NRXN3: variants seen among roughly 807,000 people sequenced by gnomAD.
NRXN3 encodes the protein neurexin 3.
In NRXN3, 32 loss-of-function variants were observed where a neutral mutation model predicts 137.6. That is an observed-to-expected ratio of 0.23 (90% CI 0.18 to 0.31). The LOEUF (loss-of-function observed/expected upper bound fraction) is 0.31. Ranked by LOEUF, NRXN3 falls within the 10% of genes least tolerant of loss-of-function variation. The probability of loss-of-function intolerance (pLI) is 1.00; values close to 1 mark genes in which losing one functional copy is unlikely to be tolerated. For synonymous variants in NRXN3, 798 were observed against 784.5 expected (o/e 1.02, Z -0.29); for missense variants, 1,574 against 2,062.5 (o/e 0.76, Z 4.59).
chr14:78,586,892 G>A (rs1476405957), intron 4 of NRXN3, among the ~76,000 whole-genome samples: 1 of 152,216 alleles, frequency 6.6e-6, no homozygotes, highest in African/African-American at 2.4e-5. Context: ...CTGCGGGCCT[G>A]TGCCTGTGAC....
chr14:79,576,881 T>C (rs1340095130), intron 16 of NRXN3, among the ~76,000 whole-genome samples: 1 of 152,216 alleles, frequency 6.6e-6, no homozygotes. Flanking sequence ...GTAAGGATGG[T>C]CTTTGAAATA....
chr14:79,822,304 T>C (rs1603616255), intron 20 of NRXN3, among the ~76,000 whole-genome samples: 1 of 152,124 alleles, frequency 6.6e-6, no homozygotes, highest in African/African-American at 2.4e-5. Flanking sequence ...TGACCCATAG[T>C]GAAATGAGAA....
chr14:78,957,698 C>T (rs1015726570), intron 11 of NRXN3, among the ~76,000 whole-genome samples: 2 of 152,146 alleles, frequency 1.3e-5, no homozygotes, highest in Non-Finnish European at 2.9e-5. Flanking sequence ...ATCATCCTCC[C>T]ATATGCCAGT....
intron 4 of NRXN3, among the ~76,000 whole-genome samples, chr14:78,444,523 T>C (rs1403744851): frequency 6.6e-6 from 1 of 152,154 alleles, no homozygotes; most frequent in Admixed American, 6.5e-5. Flanking sequence ...CATTCAGCTC[T>C]CAGGAGTGGA....
rs1568818292 is a variant in NRXN3, at chr14:79,257,444, A to ATGGTG, written c.3263-209777_3263-209776insTGGTG. 4.3e-4 allele frequency among the ~76,000 whole-genome samples: 6 copies of ATGGTG among 13,974 alleles called. 1 individual carries two copies. Among genetic ancestry groups the ATGGTG allele is most frequent in the African/African-American group, 3.6e-4 (1 of 2,780 alleles). The allele number at this position is 13,974 out of a possible 152,430, so 9.2% of individuals were successfully genotyped here. A position where few individuals can be genotyped will look rare whatever the true frequency, so the allele number is the denominator to read the frequency against. On this transcript the variant is annotated intron_variant, in intron 15 of 20. Coordinates refer to ENST00000335750, the MANE Select transcript of NRXN3 (RefSeq NM_001330195.2). The stretch of plus-strand genomic sequence containing the variant: ...TGGTGATGGTGGTGGTGGTGGTGGT[A>ATGGTG]GTGATGGTGGTGGTGGTGGTGGTGG...
At chr14:79,827,986 G>A (rs544810868) in intron 20 of NRXN3, among the ~76,000 whole-genome samples, 35 of 152,038 alleles carry the variant, frequency 2.3e-4, no homozygotes, top group Admixed American at 7.2e-4. Context: ...GTGAGCCACA[G>A]CACCTGGCCG....
intron 15 of NRXN3, among the ~76,000 whole-genome samples, chr14:79,069,606 G>A (rs1383259950): frequency 6.6e-6 from 1 of 150,736 alleles, no homozygotes; most frequent in South Asian, 2.1e-4. Flanking sequence ...TTTCTGATGA[G>A]TTAAAAAGCT....
At chr14:78,922,606 C>T (rs538632464) in intron 10 of NRXN3, among the ~76,000 whole-genome samples, 1 of 152,178 alleles carries the variant, frequency 6.6e-6, no homozygotes, top group South Asian at 2.1e-4. Context: ...GAACAGAAAA[C>T]CAAACGCCAC....
At chr14:79,815,465 G>T (rs185175614) in intron 20 of NRXN3, among the ~76,000 whole-genome samples, 23 of 152,280 alleles carry the variant, frequency 1.5e-4, no homozygotes, top group African/African-American at 5.5e-4. Context: ...GTAGCTATTG[G>T]TTTTTCTTAA....
At chr14:78,757,770 TTAA>T (rs1415633122) in intron 8 of NRXN3, among the ~76,000 whole-genome samples, 1 of 152,232 alleles carries the variant, frequency 6.6e-6, no homozygotes, top group Non-Finnish European at 1.5e-5. Context: ...TATGCCATTG[TTAA>T]TTTCTTAGTT....
intron 19 of NRXN3, among the ~76,000 whole-genome samples, chr14:79,714,979 T>G (rs1480588206): frequency 6.6e-6 from 1 of 152,120 alleles, no homozygotes; most frequent in Non-Finnish European, 1.5e-5. Flanking sequence ...CTTGAGACGG[T>G]GTCTCACTCC....
chr14:79,787,588 A>G (rs2099133064), intron 19 of NRXN3, among the ~76,000 whole-genome samples: 1 of 151,202 alleles, frequency 6.6e-6, no homozygotes, highest in South Asian at 2.1e-4. Context: ...CCACCACTCT[A>G]CTCTCTATTT....
chr14:79,377,424 T>C (rs1352300976), intron 15 of NRXN3, among the ~76,000 whole-genome samples: 1 of 152,134 alleles, frequency 6.6e-6, no homozygotes, highest in African/African-American at 2.4e-5. Context: ...TGGAGTAGTG[T>C]TTTTGAGTTA....
intron 8 of NRXN3, among the ~76,000 whole-genome samples, chr14:78,748,691 G>A (rs1399158699): frequency 6.6e-6 from 1 of 152,134 alleles, no homozygotes; most frequent in Non-Finnish European, 1.5e-5. Context: ...AGAAATGGCA[G>A]GACATGCTGA....
At chr14:78,935,098 G>C (rs2099331985) in intron 10 of NRXN3, among the ~76,000 whole-genome samples, 1 of 152,064 alleles carries the variant, frequency 6.6e-6, no homozygotes, top group African/African-American at 2.4e-5. Context: ...TGGCTTAGAG[G>C]CTGCAGTGCC....
At chr14:79,298,146 A>G (rs533704807) in intron 15 of NRXN3, among the ~76,000 whole-genome samples, 17 of 152,124 alleles carry the variant, frequency 1.1e-4, no homozygotes, top group Admixed American at 6.6e-4. Context: ...TGTATTACGC[A>G]TAACAAATCT....
At chr14:78,367,149 G>T (rs907572239) in intron 4 of NRXN3, among the ~76,000 whole-genome samples, 2 of 151,708 alleles carry the variant, frequency 1.3e-5, no homozygotes, top group Admixed American at 6.6e-5. Flanking sequence ...TACTAACTAG[G>T]GTTTTTCTGC....
intron 16 of NRXN3, among the ~76,000 whole-genome samples, chr14:79,615,928 T>G (rs2098150021): frequency 6.6e-6 from 1 of 152,146 alleles, no homozygotes; most frequent in African/African-American, 2.4e-5. Context: ...TATTCCCATC[T>G]TAAGAATGAG....
At chr14:78,552,776 G>C (rs2096705164) in intron 4 of NRXN3, among the ~76,000 whole-genome samples, 1 of 152,162 alleles carries the variant, frequency 6.6e-6, no homozygotes, top group South Asian at 2.1e-4. Flanking sequence ...GATGGAATAA[G>C]ACCTAGTGTT....
Sources: gnomAD v4.1 joint callset for allele counts (sites outside exome capture counted in the v4.1 genomes callset) on GRCh38, gnomAD v4.1.1 for gene constraint, MANE v1.5 for transcripts, NCBI Gene and HGNC (gene_info 2026-07-23, HGNC 2026-07-21) for gene names.